ZMAT4: variants seen among roughly 807,000 people sequenced by gnomAD.
The protein encoded by ZMAT4 is zinc finger matrin-type protein 4.
Under a neutral mutation model 28.7 loss-of-function variants are expected in ZMAT4, and 17 were observed. The ratio of observed to expected loss-of-function variants is 0.59; its 90% CI spans 0.41 to 0.89. ZMAT4 has a LOEUF of 0.89. Among genes scored for constraint, ZMAT4 ranks in the 40% least tolerant of loss-of-function variants. The probability of loss-of-function intolerance (pLI) is 0.00; values close to 1 mark genes in which losing one functional copy is unlikely to be tolerated. For missense variants in ZMAT4, 240 were observed against 283.8 expected (o/e 0.85, Z 1.11); for synonymous variants, 117 against 109.2 (o/e 1.07, Z -0.44).
intron 1 of ZMAT4, among the ~76,000 whole-genome samples, chr8:40,848,609 T>A (rs1490303514): frequency 6.6e-6 from 1 of 152,052 alleles, no homozygotes; most frequent in Non-Finnish European, 1.5e-5. Flanking sequence ...AATCATTTAA[T>A]CTCCAAGCCT....
intron 3 of ZMAT4, among the ~76,000 whole-genome samples, chr8:40,727,477 T>G (rs1321310125): frequency 6.6e-6 from 1 of 152,176 alleles, no homozygotes; most frequent in African/African-American, 2.4e-5. Flanking sequence ...CCACCCGTGG[T>G]GCTAAGTGGA....
At chr8:40,574,864 G>C (rs1804210532) in intron 6 of ZMAT4, among the ~76,000 whole-genome samples, 1 of 152,224 alleles carries the variant, frequency 6.6e-6, no homozygotes, top group South Asian at 2.1e-4. Context: ...AGCCCAGTTT[G>C]AGGAGATGCT....
chr8:40,862,917 T>C (rs1363536203), intron 1 of ZMAT4, among the ~76,000 whole-genome samples: 2 of 151,788 alleles, frequency 1.3e-5, no homozygotes, highest in Non-Finnish European at 1.5e-5. Context: ...CATGTATACA[T>C]ATGTAACAAA....
At position 40,531,344 on chromosome 8, in the gene ZMAT4, A is replaced by C. The variant is rs1433023704; in HGVS notation, c.*879T>G. The C allele has an allele frequency of 6.6e-6, 1 of 152,164 alleles. No individual in the cohort carries two copies. The highest frequency in any genetic ancestry group is 6.5e-5 in the Admixed American group (1 of 15,278). 9.4% of individuals were successfully genotyped at this position (152,164 alleles called of 1,614,324 possible). On this transcript the variant is annotated 3_prime_UTR_variant, in exon 7 of 7. Coordinates refer to ENST00000297737, the MANE Select transcript of ZMAT4 (RefSeq NM_024645.3). ...CTTCAGAATTTTCTCACTTCTTTCCAAACGATCAGTATCCCCCAATTAAAG... is the reference window on the plus strand; with the variant it reads ...CTTCAGAATTTTCTCACTTCTTTCCCAACGATCAGTATCCCCCAATTAAAG...
intron 5 of ZMAT4, among the ~76,000 whole-genome samples, chr8:40,666,023 G>C (rs983964789): frequency 6.6e-6 from 1 of 152,072 alleles, no homozygotes; most frequent in Non-Finnish European, 1.5e-5. Flanking sequence ...AAATAACTGT[G>C]CATTTTTCCA....
intron 5 of ZMAT4, among the ~76,000 whole-genome samples, chr8:40,620,666 A>G (rs150648576): frequency 1.3e-5 from 2 of 152,310 alleles, no homozygotes; most frequent in African/African-American, 4.8e-5. Flanking sequence ...TACAAATGTT[A>G]TTATTAAGCT....
At chr8:40,739,601 A>T (rs1167795286) in intron 3 of ZMAT4, among the ~76,000 whole-genome samples, 5 of 152,182 alleles carry the variant, frequency 3.3e-5, no homozygotes, top group African/African-American at 1.2e-4. Context: ...CTATGTGCCC[A>T]CTTAAACTCT....
At chr8:40,885,845 G>A (rs923078886) in intron 1 of ZMAT4, among the ~76,000 whole-genome samples, 2 of 152,202 alleles carry the variant, frequency 1.3e-5, no homozygotes, top group Admixed American at 6.5e-5. Context: ...GCATGTATAA[G>A]TGAGACCCTC....
rs181840672 is a variant in ZMAT4 at position 40,629,307 on chromosome 8, C to T, written c.577+45397G>A. On this transcript the variant is annotated intron_variant, in intron 5 of 6. Coordinates refer to ENST00000297737, the MANE Select transcript of ZMAT4 (RefSeq NM_024645.3). ...TCAGGCTTTGTTTTTTACTTTCATC[C>T]CCTGGACATATTTTCTCATTTTCTT... Among the ~76,000 whole-genome samples the T allele has an allele frequency of 2.9e-3, 435 of 151,358 alleles. 4 individuals are homozygous for T. The highest frequency in any genetic ancestry group is 9.9e-3 in the African/African-American group (410 of 41,334).
chr8:40,617,545 G>A (rs915505214), intron 5 of ZMAT4, among the ~76,000 whole-genome samples: 2 of 152,174 alleles, frequency 1.3e-5, no homozygotes, highest in Non-Finnish European at 1.5e-5. Context: ...AGACACAATC[G>A]TTTGGGTTTC....
intron 2 of ZMAT4, chr8:40,808,496 G>A: frequency 4.4e-6 from 2 of 454,002 alleles, no homozygotes; most frequent in Non-Finnish European, 8.8e-6. Context: ...GTAGTATAAA[G>A]CTGAAAACTC....
intron 5 of ZMAT4, among the ~76,000 whole-genome samples, chr8:40,642,294 T>C: frequency 6.6e-6 from 1 of 152,212 alleles, no homozygotes; most frequent in East Asian, 1.9e-4. Flanking sequence ...CGCACTGTTC[T>C]AGCGGGTGAA....
At chr8:40,864,197 G>A (rs142439036) in intron 1 of ZMAT4, among the ~76,000 whole-genome samples, 24 of 152,350 alleles carry the variant, frequency 1.6e-4, no homozygotes, top group African/African-American at 5.3e-4. Flanking sequence ...AGAAAGAAAG[G>A]CATTTGCCAA....
intron 1 of ZMAT4, among the ~76,000 whole-genome samples, chr8:40,853,551 G>A (rs1204707725): frequency 3.3e-5 from 5 of 152,052 alleles, no homozygotes; most frequent in South Asian, 2.1e-4. Flanking sequence ...GCAAGACTCC[G>A]TCTCAAAAAA....
intron 2 of ZMAT4, among the ~76,000 whole-genome samples, chr8:40,771,326 G>C (rs1813380839): frequency 1.1e-5 from 1 of 92,834 alleles, no homozygotes. Flanking sequence ...AGATAATACA[G>C]GTAGAAAAGA....
intron 2 of ZMAT4, among the ~76,000 whole-genome samples, chr8:40,782,465 A>T (rs1586043201): frequency 6.6e-6 from 1 of 152,130 alleles, no homozygotes; most frequent in Admixed American, 6.5e-5. Context: ...TGGGAGAAAT[A>T]TTTTCAAATC....
rs1266902463 is a variant in ZMAT4, at chr8:40,829,575, C to T, written c.-4-3895G>A. Among the ~76,000 whole-genome samples the T allele has an allele frequency of 2.6e-5, 4 of 152,156 alleles. No individual in the cohort carries two copies. In the East Asian group the frequency reaches 7.7e-4, roughly 29 times the overall value. Reference sequence around the variant, plus strand: ...TCTATAATGGTTTGGGGAAATCTAGCATGAGTGAGGCTCAGGGATAACAGA... The same window carrying T: ...TCTATAATGGTTTGGGGAAATCTAGTATGAGTGAGGCTCAGGGATAACAGA... On this transcript the variant is annotated intron_variant, in intron 1 of 6. Transcript: ENST00000297737.
At chr8:40,897,530 G>C (rs904923701) in intron 1 of ZMAT4, among the ~76,000 whole-genome samples, 153 bp downstream of exon 1, 1 of 152,198 alleles carries the variant, frequency 6.6e-6, no homozygotes, top group Non-Finnish European at 1.5e-5. Flanking sequence ...TTGTCCGCTT[G>C]TTTTCCTCCC....
At chr8:40,639,360 A>T (rs1306449233) in intron 5 of ZMAT4, among the ~76,000 whole-genome samples, 2 of 152,112 alleles carry the variant, frequency 1.3e-5, no homozygotes, top group Admixed American at 1.3e-4. Flanking sequence ...GCTGGGGCTG[A>T]TGTGCCCAGG....
Sources: gnomAD v4.1 joint callset for allele counts (sites outside exome capture counted in the v4.1 genomes callset) on GRCh38, gnomAD v4.1.1 for gene constraint, MANE v1.5 for transcripts, NCBI Gene and HGNC (gene_info 2026-07-23, HGNC 2026-07-21) for gene names.